NCOA3: variants seen among roughly 807,000 people sequenced by gnomAD.
The protein encoded by NCOA3 is CBP-interacting protein.
NCOA3 carries 51 observed loss-of-function variants against 158.8 expected under a neutral mutation model. The ratio of observed to expected loss-of-function variants is 0.32; its 90% CI spans 0.26 to 0.41. The LOEUF is 0.41. Among genes scored for constraint, NCOA3 ranks in the 10% least tolerant of loss-of-function variants. The probability of loss-of-function intolerance (pLI) is 1.00; values close to 1 mark genes in which losing one functional copy is unlikely to be tolerated. For missense variants in NCOA3, 1,510 were observed against 1,746.6 expected, an observed-to-expected ratio of 0.86 and a Z score of 2.41; for synonymous variants, 537 against 592.4, an observed-to-expected ratio of 0.91 and a Z score of 1.36.
intron 17 of NCOA3, among the ~76,000 whole-genome samples, chr20:47,646,495 G>A (rs1177060243): frequency 2.0e-5 from 3 of 152,196 alleles, no homozygotes; most frequent in Admixed American, 6.5e-5. Flanking sequence ...AGACATCAGG[G>A]TGCGGATGTT....
chr20:47,638,099 A>G (rs1204741426), intron 13 of NCOA3, among the ~76,000 whole-genome samples: 1 of 152,196 alleles, frequency 6.6e-6, no homozygotes, highest in East Asian at 1.9e-4. Flanking sequence ...TTAGCCACAG[A>G]GAACTGGATT....
intron 1 of NCOA3, among the ~76,000 whole-genome samples, chr20:47,544,783 A>G (rs1380992106): frequency 1.3e-5 from 2 of 152,148 alleles, no homozygotes; most frequent in Admixed American, 1.3e-4. Context: ...TGGAACATAT[A>G]GTCATTATGT....
In NCOA3 at chr20:47,508,436, G is replaced by C. The variant is rs575713561; in HGVS notation, c.-99+6417G>C. 3.3e-5 allele frequency among the ~76,000 whole-genome samples: 5 copies of C among 152,320 alleles called. No homozygotes were observed. In the East Asian group the frequency reaches 9.6e-4, roughly 29 times the overall value. ...ACTGAAGAATAATGACTGACTAGTA[G>C]GCAGGAAGCCTGCAGTTGTATTGTG... is the stretch of plus-strand genomic sequence containing the variant. On this transcript the variant is annotated intron_variant, in intron 1 of 22. Coordinates refer to ENST00000371998, the MANE Select transcript of NCOA3 (RefSeq NM_181659.3).
intron 2 of NCOA3, among the ~76,000 whole-genome samples, chr20:47,602,898 A>C (rs2085885163): frequency 6.6e-6 from 1 of 152,182 alleles, no homozygotes; most frequent in Non-Finnish European, 1.5e-5. Context: ...CATCTTATTA[A>C]GAGTGATGAA....
At chr20:47,624,553 C>T (rs2086292004) in intron 4 of NCOA3, among the ~76,000 whole-genome samples, 2 of 152,160 alleles carry the variant, frequency 1.3e-5, no homozygotes, top group Non-Finnish European at 1.5e-5. Context: ...TGAAACTTTG[C>T]TCACTTGCCC....
intron 22 of NCOA3, 43 bp from the exon 23 acceptor site, chr20:47,653,363 T>G: frequency 6.4e-7 from 1 of 1,565,886 alleles, no homozygotes; most frequent in Non-Finnish European, 8.7e-7. Context: ...GCATGTGTTT[T>G]ACTCATTTTT....
chr20:47,595,705 G>A (rs2085743059), intron 2 of NCOA3, among the ~76,000 whole-genome samples: 1 of 151,492 alleles, frequency 6.6e-6, no homozygotes, highest in African/African-American at 2.4e-5. Flanking sequence ...GGTGGGATTG[G>A]TTAAAAGCTT....
intron 2 of NCOA3, among the ~76,000 whole-genome samples, chr20:47,590,180 G>A (rs2085606139): frequency 6.6e-6 from 1 of 152,044 alleles, no homozygotes; most frequent in South Asian, 2.1e-4. Context: ...TCATTATATT[G>A]TTCTTAATTA....
At chr20:47,552,399 T>C (rs2084939376) in intron 1 of NCOA3, among the ~76,000 whole-genome samples, 1 of 152,228 alleles carries the variant, frequency 6.6e-6, no homozygotes, top group Admixed American at 6.5e-5. Context: ...TCTAAACATA[T>C]TTCCCTCAAT....
At chr20:47,582,163 G>A (rs755408725) in intron 1 of NCOA3, among the ~76,000 whole-genome samples, 7 of 151,978 alleles carry the variant, frequency 4.6e-5, no homozygotes, top group Non-Finnish European at 7.4e-5. Context: ...CTGTGACAGA[G>A]TACATATTAT....
chr20:47,547,420 TA>T, intron 1 of NCOA3, among the ~76,000 whole-genome samples: 1 of 150,714 alleles, frequency 6.6e-6, no homozygotes, highest in African/African-American at 2.4e-5. Context: ...TTATTATTAT[TA>T]TTATTATTTT....
rs1408525432 is a variant in NCOA3 at position 47,636,708 on chromosome 20, T to G, written c.2322T>G (p.Ile774Met). The change falls in exon 12 of 23, where the codon ATT becomes ATG. Residue 774 changes from isoleucine (I) to methionine (M), a missense_variant. Around this residue, in one of 4 missense-constraint regions of NCOA3, gnomAD observed 1,017 missense variants for 1,098.3 expected, o/e 0.93. Transcript: ENST00000371998. ...NKMSQCTSST[I>M]PSSSQEKDPK... is the part of the protein sequence containing the mutation. ...TGAGTCAGTGCACCAGCTCCACCAT[T>G]CCTAGCTCAAGTCAAGAGAAAGACC... 1 of 1,613,822 alleles carries G rather than the reference T, an allele frequency of 6.2e-7. No homozygotes were observed. The highest frequency in any genetic ancestry group is 2.2e-5 in the East Asian group (1 of 44,896).
rs6066402 is a variant in NCOA3, at chr20:47,602,916, G to C, written c.-19-19313G>C. Reference sequence around the variant, plus strand: ...CTTATTAAGAGTGATGAATAGTGAAGGGTTTTTTTTAGGCTAAATTGCCAG... The same window carrying C: ...CTTATTAAGAGTGATGAATAGTGAACGGTTTTTTTTAGGCTAAATTGCCAG... On this transcript the variant is annotated intron_variant, in intron 2 of 22. Coordinates refer to ENST00000371998, the MANE Select transcript of NCOA3 (RefSeq NM_181659.3). Among the ~76,000 whole-genome samples the C allele has an allele frequency of 5.5e-3, 831 of 152,112 alleles. 8 individuals are homozygous for C. The highest frequency in any genetic ancestry group is 7.7e-3 in the Non-Finnish European group (524 of 67,986).
At chr20:47,606,344 T>C (rs1206742918) in intron 2 of NCOA3, among the ~76,000 whole-genome samples, 1 of 152,214 alleles carries the variant, frequency 6.6e-6, no homozygotes, top group East Asian at 1.9e-4. Flanking sequence ...GCTATTTTCA[T>C]CCCGTTGGTG....
chr20:47,542,009 GTTTTTTTT>G (rs755173294), intron 1 of NCOA3, among the ~76,000 whole-genome samples: 2 of 56,318 alleles, frequency 3.6e-5, no homozygotes, highest in Admixed American at 3.3e-4. Flanking sequence ...GCCCTGTAGA[GTTTTTTTT>G]TTTTTTTTTT....
chr20:47,575,440 C>G (rs1045963967), intron 1 of NCOA3, among the ~76,000 whole-genome samples: 1 of 152,086 alleles, frequency 6.6e-6, no homozygotes, highest in Non-Finnish European at 1.5e-5. Flanking sequence ...GGAATTGTTA[C>G]TAGAAAATTA....
intron 1 of NCOA3, among the ~76,000 whole-genome samples, chr20:47,542,707 G>A (rs558753235): frequency 6.6e-6 from 1 of 152,228 alleles, no homozygotes; most frequent in Non-Finnish European, 1.5e-5. Flanking sequence ...CATGCCTATA[G>A]TCCCAGCGCT....
At chr20:47,646,584 C>T (rs864338) in intron 17 of NCOA3, among the ~76,000 whole-genome samples, 30,112 of 152,042 alleles carry the variant, frequency 0.2, 3,318 homozygotes, top group Middle Eastern at 0.28. Flanking sequence ...TTATCACCAG[C>T]GGATGAGAGC....
intron 1 of NCOA3, among the ~76,000 whole-genome samples, chr20:47,541,947 A>G (rs961726570): frequency 2.1e-5 from 3 of 145,710 alleles, no homozygotes; most frequent in African/African-American, 2.6e-5. Flanking sequence ...TTCTGTTAAT[A>G]TAGGTTTTCT....
Sources: gnomAD v4.1 joint callset for allele counts (sites outside exome capture counted in the v4.1 genomes callset) on GRCh38, gnomAD v4.1.1 for gene constraint, gnomAD v4.1.1 regional missense constraint, MANE v1.5 for transcripts, NCBI Gene and HGNC (gene_info 2026-07-23, HGNC 2026-07-21) for gene names.